The following SRRM1 variants were observed in gnomAD, a reference collection of about 807,000 sequenced individuals.
SRRM1 encodes the protein serine/arginine repetitive matrix protein 1.
SRRM1 carries 19 observed loss-of-function variants against 110.2 expected under a neutral mutation model. The observed-to-expected ratio is 0.17, with a 90% CI of 0.12 to 0.25. The LOEUF (loss-of-function observed/expected upper bound fraction) is 0.25, where lower values mean the gene tolerates loss of function less well. Among genes scored for constraint, SRRM1 ranks in the 10% least tolerant of loss-of-function variants. The probability of loss-of-function intolerance (pLI) is 1.00; values close to 1 mark genes in which losing one functional copy is unlikely to be tolerated. For missense variants in SRRM1, 918 were observed against 1,145.8 expected, an observed-to-expected ratio of 0.80 and a Z score of 2.87; for synonymous variants, 443 against 414.9, an observed-to-expected ratio of 1.07 and a Z score of -0.82.
chr1:24,652,877 G>T, intron 7 of SRRM1, 36 bp from the exon 8 acceptor site: 1 of 1,593,102 alleles, frequency 6.3e-7, no homozygotes, highest in Non-Finnish European at 8.5e-7. Flanking sequence ...CCTCACTCCT[G>T]GTTTATTCAG....
At chr1:24,649,620 A>C (rs1053729596) in intron 4 of SRRM1, among the ~76,000 whole-genome samples, 3 of 152,246 alleles carry the variant, frequency 2.0e-5, no homozygotes, top group Admixed American at 1.3e-4. Flanking sequence ...ATAAACTCTT[A>C]ATATGGGCAA....
intron 2 of SRRM1, among the ~76,000 whole-genome samples, chr1:24,646,333 C>T (rs1657560945): frequency 6.6e-6 from 1 of 152,168 alleles, no homozygotes. Flanking sequence ...TGAGACCATC[C>T]TGGCTAACAC....
intron 10 of SRRM1, 45 bp downstream of exon 10, chr1:24,660,844 GT>G (rs754625194): frequency 1.3e-5 from 18 of 1,411,078 alleles, no homozygotes; most frequent in Non-Finnish European, 1.8e-5. Context: ...GTTTGTTTTT[GT>G]TTTTCTTAAA....
At chr1:24,663,322 GGTGGCT>G in intron 12 of SRRM1, 2 of 902,674 alleles carry the variant, frequency 2.2e-6, no homozygotes, top group Admixed American at 2.9e-5. Context: ...TTAAATATAT[GGTGGCT>G]GTGGCTGTGA....
chr1:24,656,659 A>T (rs1225265726), intron 9 of SRRM1, among the ~76,000 whole-genome samples: 3 of 152,310 alleles, frequency 2.0e-5, no homozygotes, highest in Admixed American at 1.3e-4. Flanking sequence ...GTCTGGAGCC[A>T]CAAAGCTCTC....
rs1245625093 is a variant in SRRM1 at position 24,649,044 on chromosome 1, T to C, written c.405+15T>C. 1 of 1,608,490 alleles carries C rather than the reference T, an allele frequency of 6.2e-7. No homozygotes were observed. The highest frequency in any genetic ancestry group is 2.2e-5 in the East Asian group (1 of 44,862). ...AACAAAGACAGGTAATAACCTTTTCTTTTCTGTAATGTCGATTTGAGAGTA... is the reference window on the plus strand; with the variant it reads ...AACAAAGACAGGTAATAACCTTTTCCTTTCTGTAATGTCGATTTGAGAGTA... On this transcript the variant is annotated intron_variant, in intron 4 of 16. Coordinates refer to ENST00000323848, the MANE Select transcript of SRRM1 (RefSeq NM_005839.4).
At chr1:24,652,649 C>T (rs764824463) in intron 7 of SRRM1, 21 bp downstream of exon 7, 4 of 1,574,624 alleles carry the variant, frequency 2.5e-6, no homozygotes, top group South Asian at 1.2e-5. Flanking sequence ...GCTTTAAGAT[C>T]AACAAAGATC....
At position 24,669,479 on chromosome 1, in the gene SRRM1, C is replaced by G; in HGVS notation, c.2096C>G (p.Pro699Arg). 2 of 1,613,404 alleles carry G rather than the reference C, an allele frequency of 1.2e-6. No individual in the cohort carries two copies. The highest frequency in any genetic ancestry group is 1.7e-6 in the Non-Finnish European group (2 of 1,179,700). The change falls in exon 14 of 17, where the codon CCC becomes CGC. Residue 699 changes from proline to arginine, a missense_variant. This residue lies in a region of SRRM1 where 357 missense variants were observed against 402.9 expected (regional missense o/e 0.89). Transcript: ENST00000323848. Reference protein sequence around the residue: ...RAPQTSSSPPPVRRGASSSPQ... With the variant: ...RAPQTSSSPPRVRRGASSSPQ... ...CCTCAGACCTCCTCAAGTCCTCCAC[C>G]CGTTCGAAGAGGAGCGTCGTCATCA...
At chr1:24,648,736 A>G (rs1006847398) in intron 3 of SRRM1, 123 bp from the exon 4 acceptor site, 3 of 758,016 alleles carry the variant, frequency 4.0e-6, no homozygotes, top group Non-Finnish European at 6.4e-6. Context: ...AGGACTATAT[A>G]TATGTCTAAG....
At chr1:24,652,339 A>AAGTTTTAG in intron 6 of SRRM1, 95 bp from the exon 7 acceptor site, 2 of 909,844 alleles carry the variant, frequency 2.2e-6, no homozygotes, top group Non-Finnish European at 3.2e-6. Flanking sequence ...GAATTTTGAA[A>AAGTTTTAG]AGTTTTAGAA....
At chr1:24,653,457 AT>A (rs1168539469) in intron 8 of SRRM1, among the ~76,000 whole-genome samples, 6 of 152,188 alleles carry the variant, frequency 3.9e-5, no homozygotes, top group African/African-American at 1.4e-4. Flanking sequence ...TTTTTATAAA[AT>A]TCTCAGAAAA....
chr1:24,671,848 G>A (rs1359711490), intron 16 of SRRM1, among the ~76,000 whole-genome samples: 4 of 150,154 alleles, frequency 2.7e-5, no homozygotes, highest in Non-Finnish European at 1.5e-5. Context: ...ACTATCCACA[G>A]TGGCCATTAT....
chr1:24,667,294 A>G (rs776965312), intron 13 of SRRM1, among the ~76,000 whole-genome samples: 8 of 152,226 alleles, frequency 5.3e-5, no homozygotes, highest in Non-Finnish European at 1.2e-4. Flanking sequence ...ATTTAATTGT[A>G]TACTTTAAAT....
chr1:24,653,115 C>T, intron 8 of SRRM1, 83 bp downstream of exon 8: 2 of 1,352,016 alleles, frequency 1.5e-6, no homozygotes, highest in Non-Finnish European at 2.0e-6. Flanking sequence ...AAATTAGTGT[C>T]CCCTGGAAGA....
At chr1:24,671,346 T>C (rs1432339472) in intron 15 of SRRM1, 40 bp from the exon 16 acceptor site, 2 of 1,516,182 alleles carry the variant, frequency 1.3e-6, no homozygotes, top group Non-Finnish European at 1.8e-6. Flanking sequence ...ATTAATCAGA[T>C]TGATTATAAA....
Position 24,661,290 on chromosome 1 carries a change from TA to T in SRRM1, c.1397-17del. On this transcript the variant is annotated intron_variant, in intron 10 of 16. Coordinates refer to ENST00000323848, the MANE Select transcript of SRRM1 (RefSeq NM_005839.4). ...TATGCTTAACTAAAGAAACACTTTC[TA>T]AATGCATCCATCTTTCAGAAGAAGA... 6.3e-7 allele frequency: 1 copy of T among 1,598,198 alleles called. No individual in the cohort carries two copies. Among genetic ancestry groups the T allele is most frequent in the Non-Finnish European group, 8.6e-7 (1 of 1,167,766 alleles).
intron 12 of SRRM1, among the ~76,000 whole-genome samples, chr1:24,663,748 G>A (rs189015433): frequency 4.5e-4 from 68 of 151,764 alleles, no homozygotes; most frequent in African/African-American, 1.6e-3. Context: ...GTGTTGGCGC[G>A]TGCCTGTAAT....
chr1:24,649,932 T>C, intron 4 of SRRM1, 39 bp from the exon 5 acceptor site: 1 of 1,499,398 alleles, frequency 6.7e-7, no homozygotes, highest in Non-Finnish European at 8.9e-7. Flanking sequence ...TGTTCTCAAA[T>C]GTTCAACTAT....
chr1:24,652,029 A>AATATATATATATAT (rs1215778545), intron 6 of SRRM1, among the ~76,000 whole-genome samples: 2,061 of 79,548 alleles, frequency 0.026, 79 homozygotes, highest in Non-Finnish European at 0.031. Flanking sequence ...CTGTACTAAA[A>AATATATATATATAT]ATATATATAT....
Sources: gnomAD v4.1 joint callset for allele counts (sites outside exome capture counted in the v4.1 genomes callset) on GRCh38, gnomAD v4.1.1 for gene constraint, gnomAD v4.1.1 regional missense constraint, MANE v1.5 for transcripts, NCBI Gene and HGNC (gene_info 2026-07-23, HGNC 2026-07-21) for gene names.